The following PDE4D variants were observed in gnomAD, a reference collection of about 807,000 sequenced individuals.
The protein encoded by PDE4D is 3',5'-cyclic-AMP phosphodiesterase 4D.
In PDE4D, 24 loss-of-function variants were observed where a neutral mutation model predicts 87.4. The ratio of observed to expected loss-of-function variants is 0.27; its 90% CI spans 0.20 to 0.39. The LOEUF (loss-of-function observed/expected upper bound fraction) is 0.39. PDE4D is among the 10% of genes least tolerant of loss of function. PDE4D has a pLI of 1.00. For missense variants in PDE4D, 714 were observed against 1,041.0 expected (o/e 0.69, Z 4.32); for synonymous variants, 384 against 383.2 (o/e 1.00, Z -0.02).
At chr5:59,469,171 C>CA (rs911355428) in intron 1 of PDE4D, among the ~76,000 whole-genome samples, 17 of 151,934 alleles carry the variant, frequency 1.1e-4, no homozygotes, top group African/African-American at 3.1e-4. Flanking sequence ...ACTAAAAATA[C>CA]AAAAAAATTA....
intron 1 of PDE4D, among the ~76,000 whole-genome samples, chr5:59,566,534 A>ATGTGTG (rs34584672): frequency 7.1e-5 from 10 of 140,808 alleles, no homozygotes; most frequent in African/African-American, 1.9e-4. Context: ...TCACAGTTTC[A>ATGTGTG]TGTGTGTGTG....
intron 1 of PDE4D, among the ~76,000 whole-genome samples, chr5:59,285,527 C>A (rs1394963497): frequency 2.6e-5 from 4 of 151,602 alleles, no homozygotes; most frequent in Non-Finnish European, 5.9e-5. Context: ...AAAAAAAATT[C>A]TCCCAAAGAA....
intron 5 of PDE4D, among the ~76,000 whole-genome samples, chr5:59,099,004 TAGAA>T (rs1561482250): frequency 6.6e-6 from 1 of 152,150 alleles, no homozygotes. Context: ...ATCAATCTCT[TAGAA>T]AGCCTGAGAA....
rs544712793 is a variant in PDE4D, at chr5:59,467,997, G to C, written c.456-252029C>G. ...CTAATTTAACCCTCTTCTAGAAAAAGATCAAAAAAAAGTTCCCTCAGCATG... is the reference window on the plus strand; with the variant it reads ...CTAATTTAACCCTCTTCTAGAAAAACATCAAAAAAAAGTTCCCTCAGCATG... On this transcript the variant is annotated intron_variant, in intron 1 of 14. Transcript: ENST00000340635. Among the ~76,000 whole-genome samples, 4 of 151,298 alleles carry C rather than the reference G, an allele frequency of 2.6e-5. No homozygotes were observed. The South Asian group carries it at 8.3e-4, about 31-fold the overall frequency.
chr5:59,308,076 T>C (rs1169160359), intron 1 of PDE4D, among the ~76,000 whole-genome samples: 3 of 151,894 alleles, frequency 2.0e-5, no homozygotes, highest in Non-Finnish European at 2.9e-5. Flanking sequence ...ATGGATGAAA[T>C]TGGAAATCAT....
At chr5:59,513,681 G>A (rs1011723849) in intron 1 of PDE4D, among the ~76,000 whole-genome samples, 3 of 152,136 alleles carry the variant, frequency 2.0e-5, no homozygotes, top group African/African-American at 7.2e-5. Context: ...GTCTTACATT[G>A]AAAGGCAGTA....
At chr5:59,762,849 T>A (rs1387828867) in intron 1 of PDE4D, among the ~76,000 whole-genome samples, 1 of 89,830 alleles carries the variant, frequency 1.1e-5, no homozygotes, top group Non-Finnish European at 2.2e-5. Context: ...AGCAAACTGC[T>A]TAAGGATATA....
At chr5:60,108,270 G>C (rs1777256556) in intron 2 of PDE4D, among the ~76,000 whole-genome samples, 1 of 151,552 alleles carries the variant, frequency 6.6e-6, no homozygotes, top group Admixed American at 6.6e-5. Flanking sequence ...TTGCTTCAAA[G>C]AGAATAAAAT....
intron 2 of PDE4D, among the ~76,000 whole-genome samples, chr5:59,207,713 AG>A (rs2153501032): frequency 6.6e-6 from 1 of 152,100 alleles, no homozygotes; most frequent in South Asian, 2.1e-4. Context: ...TTTTTTTTAA[AG>A]AAAGTAGATA....
chr5:59,614,001 AT>A (rs1307176807), intron 1 of PDE4D, among the ~76,000 whole-genome samples: 1 of 152,142 alleles, frequency 6.6e-6, no homozygotes, highest in Non-Finnish European at 1.5e-5. Context: ...TTACAAAAAA[AT>A]TTTTCTATAA....
chr5:59,639,822 T>C (rs1228025669), intron 1 of PDE4D, among the ~76,000 whole-genome samples: 1 of 43,062 alleles, frequency 2.3e-5, no homozygotes, highest in Non-Finnish European at 6.2e-5. Flanking sequence ...AGTGTGTGTG[T>C]GTGTGTGTGT....
intron 3 of PDE4D, among the ~76,000 whole-genome samples, chr5:59,939,859 G>T (rs1756997939): frequency 6.6e-6 from 1 of 152,178 alleles, no homozygotes; most frequent in African/African-American, 2.4e-5. Context: ...ATGGTAGAAA[G>T]AGGGTATCAT....
At chr5:60,103,932 C>T (rs558153502) in intron 2 of PDE4D, among the ~76,000 whole-genome samples, 39 of 152,242 alleles carry the variant, frequency 2.6e-4, no homozygotes, top group African/African-American at 8.2e-4. Context: ...GCATGAGCGA[C>T]GCAGAAGACA....
At chr5:60,316,502 G>C (rs949099493) in intron 1 of PDE4D, among the ~76,000 whole-genome samples, 15 of 152,088 alleles carry the variant, frequency 9.9e-5, no homozygotes, top group Admixed American at 9.8e-4. Flanking sequence ...GATTGTCCTG[G>C]CCAGAACTTC....
intron 3 of PDE4D, among the ~76,000 whole-genome samples, chr5:59,918,511 T>C (rs886740534): frequency 1.3e-5 from 2 of 152,204 alleles, no homozygotes; most frequent in Non-Finnish European, 2.9e-5. Context: ...AAATAAGATG[T>C]GGCAAAAGTG....
chr5:60,146,974 T>C (rs1018552081), intron 2 of PDE4D, among the ~76,000 whole-genome samples: 8 of 152,008 alleles, frequency 5.3e-5, no homozygotes, highest in Non-Finnish European at 1.0e-4. Flanking sequence ...TAATAAATAT[T>C]GGGGAGGATA....
chr5:60,274,649 C>A (rs763305288), intron 1 of PDE4D, among the ~76,000 whole-genome samples: 2 of 152,196 alleles, frequency 1.3e-5, no homozygotes, highest in Admixed American at 1.3e-4. Flanking sequence ...GCATGAGCCA[C>A]CATGTCCAGC....
intron 6 of PDE4D, among the ~76,000 whole-genome samples, 165 bp from the exon 7 acceptor site, chr5:58,993,630 C>CCATA (rs747547172): frequency 2.6e-5 from 4 of 152,140 alleles, no homozygotes; most frequent in Admixed American, 1.3e-4. Flanking sequence ...GGGGAAAACA[C>CCATA]CATAATCGGT....
intron 5 of PDE4D, among the ~76,000 whole-genome samples, chr5:59,149,411 A>T (rs188770650): frequency 9.2e-5 from 14 of 152,242 alleles, no homozygotes; most frequent in Admixed American, 4.6e-4. Flanking sequence ...AGCACACCAC[A>T]TTGCTGTATC....
Sources: gnomAD v4.1 joint callset for allele counts (sites outside exome capture counted in the v4.1 genomes callset) on GRCh38, gnomAD v4.1.1 for gene constraint, MANE v1.5 for transcripts, NCBI Gene and HGNC (gene_info 2026-07-23, HGNC 2026-07-21) for gene names.